SLC10A7: variants seen among roughly 807,000 people sequenced by gnomAD.
SLC10A7 encodes the protein sodium/bile acid cotransporter 7.
In SLC10A7, 29 loss-of-function variants were observed where a neutral mutation model predicts 43.2. The ratio of observed to expected loss-of-function variants is 0.67; its 90% CI spans 0.50 to 0.92. The LOEUF is 0.92. SLC10A7 is among the 40% of genes least tolerant of loss of function. The pLI is 0.00. For missense variants in SLC10A7, 295 were observed against 403.2 expected, an observed-to-expected ratio of 0.73 and a Z score of 2.30; for synonymous variants, 152 against 144.8, an observed-to-expected ratio of 1.05 and a Z score of -0.35.
chr4:146,340,534 T>TGG (rs1324955704), intron 5 of SLC10A7, among the ~76,000 whole-genome samples: 2 of 142,866 alleles, frequency 1.4e-5, no homozygotes, highest in African/African-American at 2.9e-5. Context: ...TATATATATA[T>TGG]GGAGAGAGAG....
rs1402825363 is a variant in SLC10A7 at position 146,384,947 on chromosome 4, T to C, written c.435+57836A>G. 2.0e-5 allele frequency among the ~76,000 whole-genome samples: 3 copies of C among 152,174 alleles called. No individual in the cohort carries two copies. The East Asian group carries it at 5.8e-4, about 29-fold the overall frequency. On this transcript the variant is annotated intron_variant, in intron 5 of 11. Transcript: ENST00000335472. ...AGAATAATTATATAAGAATAGTCTT[T>C]AAATTATGGGTCTATCTTCAATAAT...
chr4:146,392,453 G>T (rs1738505565), intron 5 of SLC10A7, among the ~76,000 whole-genome samples: 2 of 152,040 alleles, frequency 1.3e-5, no homozygotes, highest in African/African-American at 2.4e-5. Context: ...ATATGTGTGG[G>T]TCTATATATG....
intron 4 of SLC10A7, among the ~76,000 whole-genome samples, chr4:146,455,162 T>C (rs1232990948): frequency 1.3e-5 from 2 of 151,674 alleles, no homozygotes; most frequent in Non-Finnish European, 2.9e-5. Context: ...TACCATAGAG[T>C]ACCAACTCAC....
chr4:146,411,753 C>A (rs1334287447), intron 5 of SLC10A7, among the ~76,000 whole-genome samples: 1 of 151,892 alleles, frequency 6.6e-6, no homozygotes, highest in African/African-American at 2.4e-5. Flanking sequence ...TTTAGTTTCT[C>A]TTGTTTTATA....
At chr4:146,437,110 T>C (rs1406148120) in intron 5 of SLC10A7, among the ~76,000 whole-genome samples, 1 of 152,104 alleles carries the variant, frequency 6.6e-6, no homozygotes, top group East Asian at 1.9e-4. Flanking sequence ...TCTCAAAAAA[T>C]GCCTTGAATC....
intron 4 of SLC10A7, among the ~76,000 whole-genome samples, chr4:146,483,742 T>C (rs1734684193): frequency 6.6e-6 from 1 of 152,078 alleles, no homozygotes; most frequent in Non-Finnish European, 1.5e-5. Flanking sequence ...ACCTAAGCTT[T>C]AAGAAGACAT....
At chr4:146,276,999 G>A (rs541781334) in intron 10 of SLC10A7, among the ~76,000 whole-genome samples, 6 of 152,094 alleles carry the variant, frequency 3.9e-5, no homozygotes, top group Admixed American at 6.5e-5. Flanking sequence ...CAAAGCCTAC[G>A]TGGTGACTAT....
At chr4:146,321,308 G>T (rs887077376) in intron 6 of SLC10A7, among the ~76,000 whole-genome samples, 8 of 151,932 alleles carry the variant, frequency 5.3e-5, no homozygotes, top group Non-Finnish European at 1.0e-4. Flanking sequence ...GGTATTTCTT[G>T]GCCTGTGGAT....
At chr4:146,478,240 T>G (rs990259397) in intron 4 of SLC10A7, 1 of 152,228 alleles carries the variant, frequency 6.6e-6, no homozygotes, top group Non-Finnish European at 1.5e-5. Flanking sequence ...CTGGCTACTT[T>G]GTTGTTTTAG....
intron 3 of SLC10A7, among the ~76,000 whole-genome samples, chr4:146,504,518 C>CAAAAA (rs5862761): frequency 6.8e-5 from 6 of 88,566 alleles, no homozygotes; most frequent in African/African-American, 1.3e-4. Flanking sequence ...GACTCCGTCT[C>CAAAAA]AAAAAAAAAA....
intron 10 of SLC10A7, among the ~76,000 whole-genome samples, chr4:146,270,285 TTA>T (rs1161372983): frequency 6.6e-6 from 1 of 152,194 alleles, no homozygotes; most frequent in East Asian, 1.9e-4. Flanking sequence ...CTGAAAATAA[TTA>T]TGTTTTTCTA....
intron 5 of SLC10A7, chr4:146,441,601 C>T (rs1730608764): frequency 1.3e-6 from 1 of 776,648 alleles, no homozygotes; most frequent in Non-Finnish European, 1.6e-6. Flanking sequence ...TAGAATAATA[C>T]TTGGACTCAT....
At chr4:146,513,843 T>C (rs1224452123) in intron 2 of SLC10A7, 1 of 152,248 alleles carries the variant, frequency 6.6e-6, no homozygotes, top group African/African-American at 2.4e-5. Flanking sequence ...TACATACCCA[T>C]GTAGAATTTT....
chr4:146,447,491 CCATTA>C (rs1325422865), intron 4 of SLC10A7, among the ~76,000 whole-genome samples: 2 of 152,124 alleles, frequency 1.3e-5, no homozygotes, highest in East Asian at 3.8e-4. Context: ...CTAGAATGCT[CCATTA>C]CAACAAGAAT....
chr4:146,408,156 G>T (rs967350867), intron 5 of SLC10A7, among the ~76,000 whole-genome samples: 20 of 152,084 alleles, frequency 1.3e-4, no homozygotes, highest in African/African-American at 4.8e-4. Flanking sequence ...GCATATCAGC[G>T]GTGCCTTTTC....
At chr4:146,288,618 A>C (rs1730195754) in intron 9 of SLC10A7, among the ~76,000 whole-genome samples, 1 of 152,154 alleles carries the variant, frequency 6.6e-6, no homozygotes, top group South Asian at 2.1e-4. Context: ...GTCAAGGGGG[A>C]CTTCATGGTA....
intron 5 of SLC10A7, among the ~76,000 whole-genome samples, chr4:146,338,669 C>A (rs1239740838): frequency 1.3e-5 from 2 of 151,970 alleles, no homozygotes; most frequent in Non-Finnish European, 2.9e-5. Context: ...CAAGGAGTAG[C>A]ATTTTAGTGT....
At chr4:146,398,810 A>T (rs182652837) in intron 5 of SLC10A7, among the ~76,000 whole-genome samples, 91 of 152,368 alleles carry the variant, frequency 6.0e-4, no homozygotes, top group Non-Finnish European at 1.0e-4. Context: ...GTGACTGGTA[A>T]GACTCCCAAA....
chr4:146,281,941 A>G (rs1236893108), intron 10 of SLC10A7, among the ~76,000 whole-genome samples: 1 of 152,128 alleles, frequency 6.6e-6, no homozygotes. Context: ...TTTATTGACT[A>G]CCTATTATCT....
Sources: gnomAD v4.1 joint callset for allele counts (sites outside exome capture counted in the v4.1 genomes callset) on GRCh38, gnomAD v4.1.1 for gene constraint, MANE v1.5 for transcripts, NCBI Gene and HGNC (gene_info 2026-07-23, HGNC 2026-07-21) for gene names.